CYB561A3: variants seen among roughly 807,000 people sequenced by gnomAD.
CYB561A3 encodes lysosomal membrane ascorbate-dependent ferrireductase CYB561A3.
CYB561A3 carries 16 observed loss-of-function variants against 25.3 expected under a neutral mutation model. The ratio of observed to expected loss-of-function variants is 0.63; its 90% CI spans 0.43 to 0.96. The LOEUF (loss-of-function observed/expected upper bound fraction) is 0.96. Ranked by LOEUF, CYB561A3 falls within the 40% of genes least tolerant of loss-of-function variation. The pLI is 0.00. For missense variants in CYB561A3, 219 were observed against 307.5 expected, an observed-to-expected ratio of 0.71 and a Z score of 2.15; for synonymous variants, 131 against 129.9, an observed-to-expected ratio of 1.01 and a Z score of -0.06.
chr11:61,353,616 C>A, intron 4 of CYB561A3, 168 bp downstream of exon 4: 1 of 809,776 alleles, frequency 1.2e-6, no homozygotes, highest in Admixed American at 2.0e-5. Context: ...TAAGTTCAGG[C>A]CACTGACCTC....
rs1444170324 is a variant in CYB561A3, at chr11:61,349,502, G to T, written c.*897C>A. 1 of 701,650 alleles carries T rather than the reference G, an allele frequency of 1.4e-6. No individual in the cohort carries two copies. Among genetic ancestry groups the T allele is most frequent in the African/African-American group, 1.7e-5 (1 of 57,244 alleles). 43.5% of individuals were successfully genotyped at this position (701,650 alleles called of 1,614,324 possible). On this transcript the variant is annotated 3_prime_UTR_variant, in exon 7 of 7. Transcript: ENST00000294072. ...GTAGAGGAAGTCCACAGCCACCTCTGTTACTCATCGCTACTGGGACATCTG... is the reference window on the plus strand; with the variant it reads ...GTAGAGGAAGTCCACAGCCACCTCTTTTACTCATCGCTACTGGGACATCTG...
rs566318163 is a variant in CYB561A3 at position 61,353,236 on chromosome 11, C to G, written c.394-97G>C. The G allele has an allele frequency of 3.1e-3, 4,518 of 1,436,566 alleles. 12 individuals carry two copies. Among genetic ancestry groups the G allele is most frequent in the Non-Finnish European group, 4.0e-3 (4,335 of 1,082,674 alleles). 89.0% of individuals were successfully genotyped at this position (1,436,566 alleles called of 1,614,324 possible). A position where few individuals can be genotyped will look rare whatever the true frequency, so the allele number is the denominator to read the frequency against. ...TCCTCCCCATCTCTGCTCCCTGGCT[C>G]TTCTTTCACAACTCAAACCTTCCCA... is the stretch of plus-strand genomic sequence containing the variant. On this transcript the variant is annotated intron_variant, in intron 4 of 6. Transcript: ENST00000294072.
chr11:61,349,677 T>C lies in CYB561A3; in HGVS notation c.*722A>G. ...GGTGGAGCCGCACGGTCACAATACA[T>C]GCAGACACAGAGCAGCAATACGAAA... is the stretch of plus-strand genomic sequence containing the variant. On this transcript the variant is annotated 3_prime_UTR_variant, in exon 7 of 7. Coordinates refer to ENST00000294072, the MANE Select transcript of CYB561A3 (RefSeq NM_153611.6). 1 of 702,454 alleles carries C rather than the reference T, an allele frequency of 1.4e-6. No homozygotes were observed. The highest frequency in any genetic ancestry group is 2.6e-6 in the Non-Finnish European group (1 of 384,786). The allele number at this position is 702,454 out of a possible 1,614,324, so 43.5% of individuals were successfully genotyped here. A position where few individuals can be genotyped will look rare whatever the true frequency, so the allele number is the denominator to read the frequency against.
chr11:61,349,847 G>A lies in CYB561A3; in HGVS notation c.*552C>T, dbSNP rs1169163388. On this transcript the variant is annotated 3_prime_UTR_variant, in exon 7 of 7. Transcript: ENST00000294072. ...GAGCAGATGAAGCCTGCTCTGTGGC[G>A]GGGCAGCCTAACTGAAATGCACACC... 10 of 575,156 alleles carry A rather than the reference G, an allele frequency of 1.7e-5. No individual in the cohort carries two copies. Among genetic ancestry groups the A allele is most frequent in the Non-Finnish European group, 2.5e-5 (8 of 319,208 alleles). The allele number at this position is 575,156 out of a possible 1,614,324, so 35.6% of individuals were successfully genotyped here. A position where few individuals can be genotyped will look rare whatever the true frequency, so the allele number is the denominator to read the frequency against.
chr11:61,357,461 T>C (rs1857690574), intron 2 of CYB561A3: 1 of 501,818 alleles, frequency 2.0e-6, no homozygotes, highest in Admixed American at 3.8e-5. Context: ...AAGTCCTTGA[T>C]AAACCCAGAA....
chr11:61,353,991 C>T lies in CYB561A3; in HGVS notation c.186G>A (p.Ala62=), dbSNP rs138428153. ...ACTGGGGCAGGCGGTACACCAGTGACGCTGCAGGAGAGAGTAGTGCCAGGG... is the reference window on the plus strand; with the variant it reads ...ACTGGGGCAGGCGGTACACCAGTGATGCTGCAGGAGAGAGTAGTGCCAGGG... ...VAGMVVFYGG[A]SLVYRLPQSW... is the part of the protein sequence containing the mutation. Residue 62 remains alanine, a splice_region_variant and synonymous_variant, in exon 4 of 7, where the codon GCG becomes GCA. Transcript: ENST00000294072. The T allele has an allele frequency of 1.7e-5, 27 of 1,613,914 alleles. No individual in the cohort carries two copies. The highest frequency in any genetic ancestry group is 5.5e-5 in the South Asian group (5 of 91,080).
At chr11:61,356,945 G>A in intron 2 of CYB561A3, 1 of 1,448,852 alleles carries the variant, frequency 6.9e-7, no homozygotes, top group South Asian at 1.5e-5. Context: ...CCAGCACCTG[G>A]CAGTGCCCAG....
Position 61,349,794 on chromosome 11 carries a change from C to G in CYB561A3, c.*605G>C. Reference sequence around the variant, plus strand: ...ATCACCCCATGATGTCTCCACCCCACCTCACATCCAGATGGGGCTGGATGG... The same window carrying G: ...ATCACCCCATGATGTCTCCACCCCAGCTCACATCCAGATGGGGCTGGATGG... On this transcript the variant is annotated 3_prime_UTR_variant, in exon 7 of 7. Coordinates refer to ENST00000294072, the MANE Select transcript of CYB561A3 (RefSeq NM_153611.6). 1.6e-6 allele frequency: 1 copy of G among 623,544 alleles called. No individual in the cohort carries two copies. Among genetic ancestry groups the G allele is most frequent in the Non-Finnish European group, 2.9e-6 (1 of 340,808 alleles). The allele number at this position is 623,544 out of a possible 1,614,324, so 38.6% of individuals were successfully genotyped here.
upstream of CYB561A3, chr11:61,361,977 G>A (rs1476792715): frequency 5.9e-5 from 9 of 152,426 alleles, no homozygotes; most frequent in African/African-American, 1.7e-4. Context: ...GACCAGGGGT[G>A]GCCGGCTCCC....
chr11:61,350,902 T>C, intron 6 of CYB561A3, 89 bp downstream of exon 6: 3 of 1,505,096 alleles, frequency 2.0e-6, no homozygotes, highest in Middle Eastern at 2.5e-4. Context: ...ACAGGGTAAG[T>C]CTTCTTGTCA....
Position 61,350,165 on chromosome 11 carries a change from C to G in CYB561A3, c.*234G>C. ...AGGCAAAGCCACCAAGGAAAGCAGA[C>G]AGGCAGCAAGCGGCCGGAGAGGGCA... On this transcript the variant is annotated 3_prime_UTR_variant, in exon 7 of 7. Coordinates refer to ENST00000294072, the MANE Select transcript of CYB561A3 (RefSeq NM_153611.6). 1.7e-6 allele frequency: 1 copy of G among 598,822 alleles called. No individual in the cohort carries two copies. Among genetic ancestry groups the G allele is most frequent in the Non-Finnish European group, 2.9e-6 (1 of 339,402 alleles). 37.1% of individuals were successfully genotyped at this position (598,822 alleles called of 1,614,324 possible). A position where few individuals can be genotyped will look rare whatever the true frequency, so the allele number is the denominator to read the frequency against.
At chr11:61,356,875 G>C in intron 2 of CYB561A3, 147 bp from the exon 3 acceptor site, 1 of 1,449,926 alleles carries the variant, frequency 6.9e-7, no homozygotes, top group Non-Finnish European at 9.0e-7. Context: ...ACCACCCCCC[G>C]CCCGAGGCCT....
intron 1 of CYB561A3, chr11:61,359,305 C>G (rs1372822130): frequency 6.6e-6 from 1 of 151,914 alleles, no homozygotes; most frequent in African/African-American, 2.4e-5. Flanking sequence ...AAAATCATGC[C>G]ACCAGCCTCC....
intron 3 of CYB561A3, 110 bp downstream of exon 3, chr11:61,356,412 CCCACCCTA>C: frequency 1.8e-5 from 6 of 328,982 alleles, no homozygotes; most frequent in Non-Finnish European, 3.6e-5. Context: ...GACAGCCCAA[CCCACCCTA>C]CCCCCATAGC....
intron 5 of CYB561A3, 170 bp downstream of exon 5, chr11:61,352,815 T>C: frequency 6.9e-7 from 1 of 1,450,932 alleles, no homozygotes; most frequent in South Asian, 1.5e-5. Context: ...ATCTGCTGAC[T>C]TACCAATTTC....
Position 61,351,000 on chromosome 11 carries a change from G to C in CYB561A3, c.696C>G (p.Thr232=). The C allele has an allele frequency of 8.7e-6, 14 of 1,613,352 alleles. No individual in the cohort carries two copies. The highest frequency in any genetic ancestry group is 1.3e-5 in the African/African-American group (1 of 74,960). ...SWKRPEPGIL[T]DRQPLLHDGE is the part of the protein sequence containing the mutation. ...GGACTGGAACCCATACCTGTCTGTC[G>C]GTCAGGATCCCCGGCTCTGGGCGCT... The change falls in exon 6 of 7, where the codon ACC becomes ACG. Residue 232 remains threonine, a synonymous_variant. Transcript: ENST00000294072.
At chr11:61,357,025 T>C in intron 2 of CYB561A3, 3 of 1,458,040 alleles carry the variant, frequency 2.1e-6, no homozygotes, top group Non-Finnish European at 2.8e-6. Context: ...AGACCCAGAG[T>C]CCTGGGATTC....
At chr11:61,350,948 C>T (rs1422223024) in intron 6 of CYB561A3, 43 bp downstream of exon 6, 2 of 1,585,160 alleles carry the variant, frequency 1.3e-6, no homozygotes, top group Non-Finnish European at 1.7e-6. Context: ...CTTCTCTAGA[C>T]CTGGCCCTGT....
At chr11:61,358,942 A>G (rs1857742632) in intron 1 of CYB561A3, 1 of 151,450 alleles carries the variant, frequency 6.6e-6, no homozygotes, top group Non-Finnish European at 1.5e-5. Flanking sequence ...AGGAAGGTCC[A>G]GCCAGGCTCG....
Sources: gnomAD v4.1 joint callset for allele counts on GRCh38, gnomAD v4.1.1 for gene constraint, MANE v1.5 for transcripts, NCBI Gene and HGNC (gene_info 2026-07-23, HGNC 2026-07-21) for gene names.